Variants in CCDC90B observed in about 807,000 individuals in gnomAD.
CCDC90B encodes the protein coiled-coil domain-containing protein 90B, mitochondrial.
A neutral mutation model predicts 37.0 loss-of-function variants in CCDC90B; 24 were observed. That is an observed-to-expected ratio of 0.65 (90% CI 0.47 to 0.91). The LOEUF is 0.91. CCDC90B is among the 40% of genes least tolerant of loss of function. The probability of loss-of-function intolerance (pLI) is 0.00; values close to 1 mark genes in which losing one functional copy is unlikely to be tolerated. For synonymous variants in CCDC90B, 113 were observed against 101.1 expected (o/e 1.12, Z -0.71); for missense variants, 319 against 299.0 (o/e 1.07, Z -0.49).
Position 83,285,748 on chromosome 11 carries a change from C to T in CCDC90B, c.100+125G>A, listed in dbSNP as rs1343556321. On this transcript the variant is annotated intron_variant, in intron 1 of 8. Coordinates refer to ENST00000529689, the MANE Select transcript of CCDC90B (RefSeq NM_021825.5). ...CAGCAGGCAGCGGCGTCGCCCAGCA[C>T]AAGGCGTGAATCCGGGAGGAGGGCG... 4.1e-6 allele frequency: 6 copies of T among 1,466,868 alleles called. No homozygotes were observed. The Admixed American group carries it at 1.2e-4, about 30-fold the overall frequency. The allele number at this position is 1,466,868 out of a possible 1,614,324, so 90.9% of individuals were successfully genotyped here.
At chr11:83,269,086 A>T (rs649898) in intron 7 of CCDC90B, among the ~76,000 whole-genome samples, 45,692 of 152,060 alleles carry the variant, frequency 0.3, 7,377 homozygotes, top group South Asian at 0.39. Context: ...GACACAACGT[A>T]CCAGAATCTC....
rs764016782 is a variant in CCDC90B, at chr11:83,286,151, C to G, written c.-179G>C. On this transcript the variant is annotated 5_prime_UTR_variant, in exon 1 of 9. Transcript: ENST00000529689. The stretch of plus-strand genomic sequence containing the variant: ...CCACGAAACTGGGTCTCTTCACAGA[C>G]AGACCCACAGTTCGCGAGCATGGCT... 16 of 1,536,072 alleles carry G rather than the reference C, an allele frequency of 1.0e-5. No individual in the cohort carries two copies. In the African/African-American group the frequency reaches 2.1e-4, roughly 20 times the overall value.
intron 3 of CCDC90B, among the ~76,000 whole-genome samples, chr11:83,278,458 C>T (rs1313551440): frequency 6.6e-6 from 1 of 152,186 alleles, no homozygotes; most frequent in East Asian, 1.9e-4. Context: ...AAACAATCTA[C>T]CACCACTCAT....
Position 83,261,071 on chromosome 11 carries a change from T to G in CCDC90B, c.*840A>C, listed in dbSNP as rs1023792863. 8.5e-5 allele frequency: 13 copies of G among 152,304 alleles called. No homozygotes were observed. The highest frequency in any genetic ancestry group is 3.1e-4 in the African/African-American group (13 of 41,580). The allele number at this position is 152,304 out of a possible 1,614,324, so 9.4% of individuals were successfully genotyped here. On this transcript the variant is annotated 3_prime_UTR_variant, in exon 9 of 9. Transcript: ENST00000529689. The stretch of plus-strand genomic sequence containing the variant: ...ACTCTACAGATTTCATATTAAGTGT[T>G]GTAATTTGCACTAAAGCACACATTT...
chr11:83,261,156 T>G lies in CCDC90B; in HGVS notation c.*755A>C, dbSNP rs1270904445. On this transcript the variant is annotated 3_prime_UTR_variant, in exon 9 of 9. Transcript: ENST00000529689. ...CAGGCTGGAGTGCAGTGGTGCTATC[T>G]CGGCTCACTGCAAGATTCTCCTGCC... The G allele has an allele frequency of 6.6e-6, 1 of 152,204 alleles. No homozygotes were observed. Among genetic ancestry groups the G allele is most frequent in the Non-Finnish European group, 1.5e-5 (1 of 68,046 alleles). 9.4% of individuals were successfully genotyped at this position (152,204 alleles called of 1,614,324 possible).
At chr11:83,285,182 T>A (rs1274318064) in intron 1 of CCDC90B, 2 of 1,284,926 alleles carry the variant, frequency 1.6e-6, no homozygotes, top group Non-Finnish European at 2.0e-6. Context: ...ATTCGCCTAT[T>A]TTGTGGACAA....
Position 83,286,102 on chromosome 11 carries a change from C to A in CCDC90B, c.-130G>T, listed in dbSNP as rs559967419. On this transcript the variant is annotated 5_prime_UTR_variant, in exon 1 of 9. Transcript: ENST00000529689. The stretch of plus-strand genomic sequence containing the variant: ...TTTTCGCTCTGTCACAAGCTCACCT[C>A]CCAGCGCAGGCGCCACCGTGGTCCC... 2.6e-6 allele frequency: 4 copies of A among 1,536,820 alleles called. No individual in the cohort carries two copies. The East Asian group carries it at 7.3e-5, about 28-fold the overall frequency.
At chr11:83,270,604 C>A (rs1442475300) in intron 7 of CCDC90B, among the ~76,000 whole-genome samples, 1 of 152,062 alleles carries the variant, frequency 6.6e-6, no homozygotes, top group Non-Finnish European at 1.5e-5. Context: ...ATGTGAAGGA[C>A]CTCTTCAAGG....
chr11:83,278,585 T>G (rs1227926392), intron 3 of CCDC90B, 141 bp downstream of exon 3: 1 of 562,676 alleles, frequency 1.8e-6, no homozygotes, highest in South Asian at 2.4e-5. Flanking sequence ...ACTGACTTTA[T>G]TCAATGTTTT....
intron 3 of CCDC90B, among the ~76,000 whole-genome samples, chr11:83,276,216 G>A (rs182136075): frequency 3.3e-5 from 5 of 152,226 alleles, no homozygotes; most frequent in African/African-American, 9.6e-5. Flanking sequence ...GCTGGCAGTC[G>A]TGTTTGCCCC....
intron 8 of CCDC90B, among the ~76,000 whole-genome samples, chr11:83,263,312 C>T (rs955459267): frequency 6.6e-6 from 1 of 152,170 alleles, no homozygotes; most frequent in Non-Finnish European, 1.5e-5. Context: ...ACAATCGTTA[C>T]TGCATTTAAG....
chr11:83,272,388 A>G (rs988725055), intron 7 of CCDC90B, among the ~76,000 whole-genome samples: 5 of 152,218 alleles, frequency 3.3e-5, no homozygotes, highest in African/African-American at 2.4e-5. Context: ...ACCTGAATAC[A>G]TAAGATGATA....
chr11:83,279,280 C>CA (rs1555009252), intron 2 of CCDC90B, among the ~76,000 whole-genome samples: 63 of 143,654 alleles, frequency 4.4e-4, no homozygotes, highest in Middle Eastern at 3.6e-3. Context: ...GACTCTGTCT[C>CA]AAAAAAAACA....
chr11:83,264,330 G>A (rs922660055), intron 8 of CCDC90B, among the ~76,000 whole-genome samples: 2 of 152,114 alleles, frequency 1.3e-5, no homozygotes, highest in Admixed American at 1.3e-4. Context: ...TAAAAAATAC[G>A]TGATCTAATT....
rs566908045 is a variant in CCDC90B, at chr11:83,276,825, A to G, written c.324+1901T>C. On this transcript the variant is annotated intron_variant, in intron 3 of 8. Coordinates refer to ENST00000529689, the MANE Select transcript of CCDC90B (RefSeq NM_021825.5). ...TTTTTTAAACTACTATGGAGCCATC[A>G]GAGAATATTCAGATTTTAATCAAAA... 8.7e-4 allele frequency among the ~76,000 whole-genome samples: 133 copies of G among 152,368 alleles called. 1 individual carries two copies. Among genetic ancestry groups the G allele is most frequent in the African/African-American group, 3.1e-3 (130 of 41,598 alleles).
intron 4 of CCDC90B, 182 bp from the exon 5 acceptor site, chr11:83,274,174 G>A (rs1864878775): frequency 2.4e-6 from 1 of 414,406 alleles, no homozygotes; most frequent in Non-Finnish European, 4.2e-6. Flanking sequence ...TAATTCTTAT[G>A]AGCAAAATGC....
At chr11:83,274,771 T>G (rs1486824522) in intron 3 of CCDC90B, 31 bp from the exon 4 acceptor site, 1 of 1,349,684 alleles carries the variant, frequency 7.4e-7, no homozygotes, top group Admixed American at 1.8e-5. Context: ...AACCTAGTGA[T>G]CTATAGAAAG....
Position 83,273,698 on chromosome 11 carries a change from A to G in CCDC90B, c.543T>C (p.Phe181=), listed in dbSNP as rs751921310. 4 of 1,604,792 alleles carry G rather than the reference A, an allele frequency of 2.5e-6. No homozygotes were observed. Among genetic ancestry groups the G allele is most frequent in the East Asian group, 2.2e-5 (1 of 44,764 alleles). The change falls in exon 7 of 9, where the codon TTT becomes TTC. Residue 181 remains phenylalanine, a splice_region_variant and synonymous_variant. Transcript: ENST00000529689. ...CCATAAGTTGCTTTTCTTGATCTGT[A>G]AACTATAGGATATGAAGCAGCAGGA... The part of the protein sequence containing the change: ...NLERSRVTDM[F]TDQEKQLMET...
intron 7 of CCDC90B, among the ~76,000 whole-genome samples, chr11:83,272,225 T>C (rs1194703414): frequency 1.3e-5 from 2 of 152,196 alleles, no homozygotes; most frequent in African/African-American, 2.4e-5. Context: ...GTTGTGCACA[T>C]GTACCCTAGA....
Sources: allele counts gnomAD v4.1 joint callset (sites outside exome capture counted in the v4.1 genomes callset), GRCh38; gene constraint gnomAD v4.1.1; transcripts MANE v1.5; gene names NCBI Gene and HGNC (gene_info 2026-07-23, HGNC 2026-07-21).